GARNL3: variants seen among roughly 807,000 people sequenced by gnomAD.
The protein encoded by GARNL3 is GTPase-activating Rap/Ran-GAP domain-like protein 3.
In GARNL3, 63 loss-of-function variants were observed where a neutral mutation model predicts 125.0. The ratio of observed to expected loss-of-function variants is 0.50; its 90% CI spans 0.41 to 0.62. The LOEUF (loss-of-function observed/expected upper bound fraction) is 0.62, where lower values mean the gene tolerates loss of function less well. Ranked by LOEUF, GARNL3 falls within the 20% of genes least tolerant of loss-of-function variation. The pLI is 0.00. For synonymous variants in GARNL3, 439 were observed against 457.5 expected, an observed-to-expected ratio of 0.96 and a Z score of 0.52; for missense variants, 994 against 1,244.0, an observed-to-expected ratio of 0.80 and a Z score of 3.02.
chr9:127,337,068 G>C (rs1393572171), intron 11 of GARNL3, among the ~76,000 whole-genome samples: 1 of 152,198 alleles, frequency 6.6e-6, no homozygotes, highest in Non-Finnish European at 1.5e-5. Flanking sequence ...AAAAATAGAG[G>C]ATGGAAGTAA....
At chr9:127,357,528 A>G (rs1323711929) in intron 21 of GARNL3, 151 bp downstream of exon 21, 1 of 746,332 alleles carries the variant, frequency 1.3e-6, no homozygotes, top group African/African-American at 1.8e-5. Context: ...AGACTGAGCC[A>G]TGTGAAGTTA....
At chr9:127,366,419 G>GA (rs1231168909) in intron 22 of GARNL3, among the ~76,000 whole-genome samples, 1 of 152,148 alleles carries the variant, frequency 6.6e-6, no homozygotes, top group East Asian at 1.9e-4. Flanking sequence ...AAGGCAGCAG[G>GA]AATGGGCCAC....
intron 12 of GARNL3, 73 bp downstream of exon 12, chr9:127,338,234 A>T (rs1829661019): frequency 1.7e-6 from 2 of 1,153,772 alleles, no homozygotes; most frequent in East Asian, 2.3e-5. Flanking sequence ...TTTTTACAAG[A>T]CTCTTGATAT....
intron 7 of GARNL3, 28 bp downstream of exon 7, chr9:127,325,123 C>A (rs746107026): frequency 2.5e-6 from 4 of 1,599,250 alleles, no homozygotes; most frequent in Non-Finnish European, 3.4e-6. Flanking sequence ...GATATTTGCA[C>A]CTGCTCTGCC....
At chr9:127,317,716 AAAAAC>A (rs1243246481) in intron 4 of GARNL3, among the ~76,000 whole-genome samples, 12 of 151,166 alleles carry the variant, frequency 7.9e-5, no homozygotes, top group East Asian at 7.8e-4. Context: ...ACTCTGTCTC[AAAAAC>A]AAAACAAAAC....
chr9:127,393,512 T>G lies in GARNL3; in HGVS notation c.*258T>G. 3.6e-6 allele frequency: 1 copy of G among 281,316 alleles called. No individual in the cohort carries two copies. 17.4% of individuals were successfully genotyped at this position (281,316 alleles called of 1,614,324 possible). A position where few individuals can be genotyped will look rare whatever the true frequency, so the allele number is the denominator to read the frequency against. Reference sequence around the variant, plus strand: ...TTCATTGAGGTTTTAGATTGAAACTTTGAATAAATCAAAAATACTCATTCT... The same window carrying G: ...TTCATTGAGGTTTTAGATTGAAACTGTGAATAAATCAAAAATACTCATTCT... On this transcript the variant is annotated 3_prime_UTR_variant, in exon 28 of 28. Coordinates refer to ENST00000373387, the MANE Select transcript of GARNL3 (RefSeq NM_032293.5).
At chr9:127,295,350 A>G (rs1414056405) in intron 2 of GARNL3, among the ~76,000 whole-genome samples, 1 of 152,188 alleles carries the variant, frequency 6.6e-6, no homozygotes, top group Non-Finnish European at 1.5e-5. Flanking sequence ...TTCCCAATGC[A>G]TGAGTTCCTG....
chr9:127,393,089 A>C lies in GARNL3; in HGVS notation c.2877A>C (p.Pro959=). Residue 959 remains proline (P), a synonymous_variant, in exon 28 of 28, where the codon CCA becomes CCC. Transcript: ENST00000373387. ...AGTGACTTTTCTCTTCTAGGATCCC[A>C]TCAGGCTCCTTGGAAAGTGCTTCTA... ...AVRSSSSDRI[P]SGSLESASTS... is the part of the protein sequence containing the mutation. The C allele has an allele frequency of 6.2e-7, 1 of 1,601,678 alleles. No homozygotes were observed. The highest frequency in any genetic ancestry group is 8.5e-7 in the Non-Finnish European group (1 of 1,169,634).
At chr9:127,324,712 G>A (rs138563824) in intron 6 of GARNL3, among the ~76,000 whole-genome samples, 9 of 152,276 alleles carry the variant, frequency 5.9e-5, no homozygotes, top group African/African-American at 1.9e-4. Context: ...TTCCACACAC[G>A]CTGACAGTGA....
upstream of GARNL3, among the ~76,000 whole-genome samples, chr9:127,259,049 G>T (rs1231019081): frequency 6.6e-6 from 1 of 152,190 alleles, no homozygotes; most frequent in East Asian, 1.9e-4. Flanking sequence ...GCCTTGTGGG[G>T]TCTGTTGTGA....
chr9:127,300,857 G>T, intron 2 of GARNL3: 2 of 328,578 alleles, frequency 6.1e-6, no homozygotes, highest in Non-Finnish European at 1.2e-5. Flanking sequence ...ATTTACAGTA[G>T]CCTGTTGGTA....
intron 2 of GARNL3, among the ~76,000 whole-genome samples, chr9:127,292,207 T>C (rs1382936134): frequency 6.6e-6 from 1 of 152,252 alleles, no homozygotes; most frequent in African/African-American, 2.4e-5. Context: ...TACATTTACC[T>C]GACCCTTGCC....
chr9:127,300,246 T>A (rs371045756), intron 2 of GARNL3: 6 of 284,760 alleles, frequency 2.1e-5, no homozygotes, highest in African/African-American at 1.1e-4. Flanking sequence ...GAGCAAAAAA[T>A]CTTTGTGCTT....
Position 127,354,287 on chromosome 9 carries a change from T to G in GARNL3, c.1643-7T>G. ...AATCTCCTCCTCTGTCTTTTTTATG[T>G]CACCAGGAAAAGATGCTCGCCTCTT... On this transcript the variant is annotated splice_polypyrimidine_tract_variant and splice_region_variant and intron_variant, in intron 18 of 27. Coordinates refer to ENST00000373387, the MANE Select transcript of GARNL3 (RefSeq NM_032293.5). 1 of 1,605,640 alleles carries G rather than the reference T, an allele frequency of 6.2e-7. No homozygotes were observed. Among genetic ancestry groups the G allele is most frequent in the Non-Finnish European group, 8.5e-7 (1 of 1,173,940 alleles).
intron 8 of GARNL3, among the ~76,000 whole-genome samples, chr9:127,332,617 A>G (rs1209592208): frequency 1.3e-5 from 2 of 152,166 alleles, no homozygotes; most frequent in Non-Finnish European, 2.9e-5. Flanking sequence ...ATTTGGTTCT[A>G]CACAGTCCCA....
At chr9:127,338,634 GAC>G (rs1829683404) in intron 12 of GARNL3, among the ~76,000 whole-genome samples, 1 of 152,192 alleles carries the variant, frequency 6.6e-6, no homozygotes, top group Non-Finnish European at 1.5e-5. Context: ...TGAAGGTAAT[GAC>G]ACTACCCCGG....
intron 5 of GARNL3, among the ~76,000 whole-genome samples, chr9:127,319,452 A>G (rs2065334990): frequency 9.9e-5 from 15 of 152,118 alleles, no homozygotes; most frequent in Admixed American, 9.8e-4. Context: ...ATTGCACTCT[A>G]ACCTGGGTGA....
At chr9:127,356,318 C>G (rs1239580586) in intron 20 of GARNL3, 10 of 152,168 alleles carry the variant, frequency 6.6e-5, no homozygotes, top group African/African-American at 2.4e-4. Flanking sequence ...GCAATGCTTT[C>G]CTGCTTGCCT....
intron 6 of GARNL3, among the ~76,000 whole-genome samples, chr9:127,321,059 T>A (rs984514776): frequency 3.3e-5 from 5 of 152,204 alleles, no homozygotes; most frequent in African/African-American, 1.2e-4. Context: ...CAATAGGGTG[T>A]ACATTCAGAA....
Sources: gnomAD v4.1 joint callset for allele counts (sites outside exome capture counted in the v4.1 genomes callset) on GRCh38, gnomAD v4.1.1 for gene constraint, MANE v1.5 for transcripts, NCBI Gene and HGNC (gene_info 2026-07-23, HGNC 2026-07-21) for gene names.